MICALL2: variants seen among roughly 807,000 people sequenced by gnomAD.
The protein encoded by MICALL2 is MICAL like 2, also known as MICAL-like protein 2.
A neutral mutation model predicts 91.1 loss-of-function variants in MICALL2; 111 were observed. That is an observed-to-expected ratio of 1.22 (90% confidence interval 1.04 to 1.43). MICALL2 has a LOEUF of 1.43. Among genes scored for constraint, MICALL2 ranks in the 40% most tolerant of loss-of-function variants. The pLI, the probability that MICALL2 is intolerant of heterozygous loss-of-function variation, is 0.00. For synonymous variants in MICALL2, 694 were observed against 525.3 expected (o/e 1.32, Z -4.39); for missense variants, 1,556 against 1,236.0 (o/e 1.26, Z -3.88).
chr7:1,449,418 T>C (rs1780738702), intron 2 of MICALL2, among the ~76,000 whole-genome samples: 1 of 152,252 alleles, frequency 6.6e-6, no homozygotes, highest in South Asian at 2.1e-4. Flanking sequence ...CAAGCAATTC[T>C]CCTGCCTCAG....
intron 15 of MICALL2, among the ~76,000 whole-genome samples, chr7:1,436,112 A>G (rs1779954541): frequency 1.3e-5 from 2 of 150,410 alleles, no homozygotes; most frequent in South Asian, 4.2e-4. Flanking sequence ...CTTTACGGCC[A>G]GTTACGGTGG....
intron 6 of MICALL2, among the ~76,000 whole-genome samples, chr7:1,443,881 C>T (rs904769569): frequency 2.6e-5 from 4 of 152,172 alleles, no homozygotes; most frequent in Admixed American, 2.0e-4. Context: ...ACTGATGCAG[C>T]GCCCCCCTCT....
chr7:1,437,015 G>T, intron 14 of MICALL2, 159 bp from the exon 15 acceptor site: 1 of 538,236 alleles, frequency 1.9e-6, no homozygotes, highest in Non-Finnish European at 3.2e-6. Context: ...ATAAGTGAAT[G>T]AAGGAAGGAA....
At position 1,440,775 on chromosome 7, in the gene MICALL2, C is replaced by T. The variant is rs990074745; in HGVS notation, c.1712-91G>A. The T allele has an allele frequency of 4.6e-6, 5 of 1,077,548 alleles. No homozygotes were observed. In the African/African-American group the frequency reaches 4.7e-5, roughly 10 times the overall value. 66.7% of individuals were successfully genotyped at this position (1,077,548 alleles called of 1,614,324 possible). On this transcript the variant is annotated intron_variant, in intron 7 of 16. Coordinates refer to ENST00000297508, the MANE Select transcript of MICALL2 (RefSeq NM_182924.4). ...GGCTGTGCCTCCCCCTGCCATCTTC[C>T]CATAGCCACTCCACCCTCAGACACC...
rs745542917 is a variant in MICALL2, at chr7:1,444,910, G to A, written c.1160C>T (p.Pro387Leu). 6.4e-7 allele frequency: 1 copy of A among 1,552,988 alleles called. No individual in the cohort carries two copies. The highest frequency in any genetic ancestry group is 1.2e-5 in the South Asian group (1 of 85,086). Residue 387 changes from proline to leucine, a missense_variant, in exon 6 of 17, where the codon CCT becomes CTT. By Grantham distance (98) the Pro-to-Leu change is moderately conservative. Transcript: ENST00000297508. ...GGAGCTTGAACTGAGTGTGGTTTGA[G>A]GAGCTGCCACTCGGGGGGCTCCCCC... Reference protein sequence around the residue: ...QGGGAPRVAAPQTTLSSSSTS... With the variant: ...QGGGAPRVAALQTTLSSSSTS...
At position 1,434,647 on chromosome 7, in the gene MICALL2, G is replaced by A. The variant is rs1041781437; in HGVS notation, c.2664C>T (p.Phe888=). The A allele has an allele frequency of 1.3e-6, 2 of 1,569,150 alleles. No homozygotes were observed. The highest frequency in any genetic ancestry group is 8.6e-7 in the Non-Finnish European group (1 of 1,161,508). ...TTGGTGACCAGATCTTGGACAAGCG[G>A]AACTTGGACTTCTTCCTCTGGAGGC... is the stretch of plus-strand genomic sequence containing the variant. The part of the protein sequence containing the change: ...KLGLQRKKSK[F]RLSKIWSPKS... Residue 888 remains phenylalanine, a synonymous_variant, in exon 17 of 17, where the codon TTC becomes TTT. Transcript: ENST00000297508.
rs1016642668 is a variant in MICALL2 at position 1,436,689 on chromosome 7, T to C, written c.2591+53A>G. 7 of 1,409,350 alleles carry C rather than the reference T, an allele frequency of 5.0e-6. No homozygotes were observed. In the Admixed American group the frequency reaches 5.8e-5, roughly 12 times the overall value. The allele number at this position is 1,409,350 out of a possible 1,614,324, so 87.3% of individuals were successfully genotyped here. On this transcript the variant is annotated intron_variant, in intron 15 of 16. Transcript: ENST00000297508. ...TGGCTGACCCTGAGGGCCGGGAGCA[T>C]GGACCAGGCGACCTGGCCTGGCTGG...
At chr7:1,450,443 G>T in intron 1 of MICALL2, 155 bp from the exon 2 acceptor site, 1 of 672,982 alleles carries the variant, frequency 1.5e-6, no homozygotes, top group Non-Finnish European at 2.7e-6. Context: ...GTGGGCAGAG[G>T]CCAGGGCTCC....
chr7:1,438,979 T>C lies in MICALL2; in HGVS notation c.1983A>G (p.Pro661=). Residue 661 remains proline, a synonymous_variant, in exon 10 of 17, where the codon CCA becomes CCG. Transcript: ENST00000297508. ...GGACGGCCAGTCTCCTGCGGCGGGG[T>C]GGGGAGGGGGACCTGGCTGCCCCCA... ...GPSLPARSPS[P]PRRRRLAVPA... 1 of 1,588,930 alleles carries C rather than the reference T, an allele frequency of 6.3e-7. No homozygotes were observed. Among genetic ancestry groups the C allele is most frequent in the Non-Finnish European group, 8.5e-7 (1 of 1,173,414 alleles).
intron 2 of MICALL2, among the ~76,000 whole-genome samples, 161 bp downstream of exon 2, chr7:1,450,079 G>A (rs1483298168): frequency 1.3e-5 from 2 of 152,218 alleles, no homozygotes; most frequent in Non-Finnish European, 2.9e-5. Context: ...GGGTCACCCA[G>A]CCCAGGACGC....
chr7:1,437,361 G>A lies in MICALL2; in HGVS notation c.2476+174C>T, dbSNP rs540038561. On this transcript the variant is annotated intron_variant, in intron 14 of 16. Coordinates refer to ENST00000297508, the MANE Select transcript of MICALL2 (RefSeq NM_182924.4). ...CACAGCAAGGTTAAGTACCTTGGCT[G>A]AGGACACACAGCCAGGAGGTGGGAG... The A allele has an allele frequency of 2.4e-5, 15 of 614,568 alleles. No individual in the cohort carries two copies. In the East Asian group the frequency reaches 2.7e-4, roughly 11 times the overall value. 38.1% of individuals were successfully genotyped at this position (614,568 alleles called of 1,614,324 possible).
At chr7:1,440,548 C>T in intron 8 of MICALL2, 43 bp downstream of exon 8, 2 of 1,531,438 alleles carry the variant, frequency 1.3e-6, no homozygotes, top group Non-Finnish European at 1.8e-6. Flanking sequence ...TATTAAGCAC[C>T]TATGGTGTAC....
intron 1 of MICALL2, among the ~76,000 whole-genome samples, chr7:1,458,080 G>A (rs62435328): frequency 0.034 from 5,206 of 152,376 alleles, 124 homozygotes; most frequent in Non-Finnish European, 0.054. Flanking sequence ...GTGGCTCCAC[G>A]AATGCATGTC....
rs751972006 is a variant in MICALL2, at chr7:1,434,543, C to T, written c.*53G>A. The T allele has an allele frequency of 8.6e-6, 13 of 1,510,158 alleles. No homozygotes were observed. Among genetic ancestry groups the T allele is most frequent in the East Asian group, 6.8e-5 (3 of 44,332 alleles). The allele number at this position is 1,510,158 out of a possible 1,614,324, so 93.5% of individuals were successfully genotyped here. ...CGGGTCCGGGCCAAGCCCATGGCCCCGAGTCCAAGTCCGGATGCCAGGTCC... is the reference window on the plus strand; with the variant it reads ...CGGGTCCGGGCCAAGCCCATGGCCCTGAGTCCAAGTCCGGATGCCAGGTCC... On this transcript the variant is annotated 3_prime_UTR_variant, in exon 17 of 17. Coordinates refer to ENST00000297508, the MANE Select transcript of MICALL2 (RefSeq NM_182924.4).
intron 13 of MICALL2, 114 bp from the exon 14 acceptor site, chr7:1,437,722 A>C (rs1446435622): frequency 4.6e-6 from 6 of 1,291,440 alleles, no homozygotes; most frequent in Non-Finnish European, 6.5e-6. Context: ...CTGAGGCCTG[A>C]CTCGCCGCCC....
intron 15 of MICALL2, among the ~76,000 whole-genome samples, chr7:1,435,412 G>A (rs1779920051): frequency 1.3e-5 from 2 of 152,054 alleles, no homozygotes; most frequent in African/African-American, 4.8e-5. Context: ...GGACAGAAGG[G>A]CCTGGGCCGA....
intron 3 of MICALL2, 85 bp downstream of exon 3, chr7:1,448,534 AC>A: frequency 7.3e-7 from 1 of 1,377,074 alleles, no homozygotes; most frequent in Non-Finnish European, 1.0e-6. Context: ...CTGGGCATGG[AC>A]CCCAAAAAGT....
rs371991787 is a variant in MICALL2, at chr7:1,445,288, C to T, written c.782G>A (p.Gly261Glu). 1.5e-5 allele frequency: 24 copies of T among 1,612,204 alleles called. No homozygotes were observed. Among genetic ancestry groups the T allele is most frequent in the South Asian group, 6.6e-5 (6 of 91,070 alleles). The change falls in exon 6 of 17, where the codon GGG (glycine) becomes GAG (glutamate). Residue 261 changes from glycine to glutamate, a missense_variant. Physicochemically the swap from Gly to Glu is moderately conservative, Grantham distance 98. Coordinates refer to ENST00000297508, the MANE Select transcript of MICALL2 (RefSeq NM_182924.4). ...KLTGLVPRQP[G>E]AMGVDSRTSC... ...GGTCCTGGAATCCACACCCATGGCC[C>T]CTGGCTGTCGGGGGACCAGACCCGT...
chr7:1,435,918 G>T (rs1014219875), intron 15 of MICALL2, among the ~76,000 whole-genome samples: 3 of 151,780 alleles, frequency 2.0e-5, no homozygotes, highest in Non-Finnish European at 2.9e-5. Flanking sequence ...CGGGTGTGGT[G>T]GCGGGCGCCT....
Sources: allele counts gnomAD v4.1 joint callset (sites outside exome capture counted in the v4.1 genomes callset), GRCh38; gene constraint gnomAD v4.1.1; transcripts MANE v1.5; gene names NCBI Gene and HGNC (gene_info 2026-07-23, HGNC 2026-07-21).